Variants in SYN3 observed in about 807,000 individuals in gnomAD.
The protein encoded by SYN3 is synapsin III.
SYN3 carries 35 observed loss-of-function variants against 65.8 expected under a neutral mutation model. The ratio of observed to expected loss-of-function variants is 0.53; its 90% CI spans 0.41 to 0.70. The LOEUF (loss-of-function observed/expected upper bound fraction) is 0.70, where lower values mean the gene tolerates loss of function less well. Ranked by LOEUF, SYN3 falls within the 30% of genes least tolerant of loss-of-function variation. SYN3 has a pLI of 0.00. For synonymous variants in SYN3, 270 were observed against 292.9 expected, an observed-to-expected ratio of 0.92 and a Z score of 0.80; for missense variants, 680 against 749.0, an observed-to-expected ratio of 0.91 and a Z score of 1.08.
intron 3 of SYN3, among the ~76,000 whole-genome samples, chr22:32,961,294 C>T (rs1364195905): frequency 6.6e-6 from 1 of 152,092 alleles, no homozygotes; most frequent in Admixed American, 6.5e-5. Context: ...ACAGGTTAGG[C>T]TAAGCGTATC....
intron 6 of SYN3, among the ~76,000 whole-genome samples, chr22:32,830,022 C>T (rs929736250): frequency 5.9e-5 from 9 of 152,212 alleles, no homozygotes; most frequent in Non-Finnish European, 8.8e-5. Context: ...CTCGCTTCAA[C>T]CTGACCTGAA....
chr22:32,784,275 C>T (rs1264252948), intron 6 of SYN3, among the ~76,000 whole-genome samples: 1 of 152,200 alleles, frequency 6.6e-6, no homozygotes, highest in Non-Finnish European at 1.5e-5. Context: ...GGTGACAGGG[C>T]ATATGCGATT....
At chr22:32,545,921 C>A (rs2058330340) in intron 7 of SYN3, among the ~76,000 whole-genome samples, 1 of 151,906 alleles carries the variant, frequency 6.6e-6, no homozygotes, top group South Asian at 2.1e-4. Context: ...ATTTTATTTT[C>A]TATTTCTATT....
chr22:32,625,057 GTTGGTTTA>G (rs997164574), intron 6 of SYN3, among the ~76,000 whole-genome samples: 6 of 152,156 alleles, frequency 3.9e-5, no homozygotes, highest in African/African-American at 1.4e-4. Context: ...TATGCCCAGG[GTTGGTTTA>G]TTGGCATACC....
rs371707567 is a variant in SYN3, at chr22:32,887,317, G to A, written c.462-18192C>T. ...CACTTGAGCCCAAGAGTTTGAGGCT[G>A]CTGCAAGCTATGATCACTCCACTGC... On this transcript the variant is annotated intron_variant, in intron 4 of 13. Coordinates refer to ENST00000358763, the MANE Select transcript of SYN3 (RefSeq NM_003490.4). Among the ~76,000 whole-genome samples, 35 of 152,150 alleles carry A rather than the reference G, an allele frequency of 2.3e-4. No individual in the cohort carries two copies. The East Asian group carries it at 5.8e-3, about 25-fold the overall frequency.
intron 4 of SYN3, among the ~76,000 whole-genome samples, chr22:32,905,192 G>T (rs2049868348): frequency 6.6e-6 from 1 of 152,202 alleles, no homozygotes; most frequent in Non-Finnish European, 1.5e-5. Flanking sequence ...AATGAAGGAG[G>T]ATACAAATAA....
At chr22:32,532,292 G>A (rs1199170820) in intron 10 of SYN3, among the ~76,000 whole-genome samples, 2 of 152,304 alleles carry the variant, frequency 1.3e-5, no homozygotes, top group Non-Finnish European at 2.9e-5. Context: ...ACCTGGTGGG[G>A]TCTCAGGAGC....
At chr22:32,952,612 C>T (rs573149355) in intron 3 of SYN3, among the ~76,000 whole-genome samples, 1 of 152,048 alleles carries the variant, frequency 6.6e-6, no homozygotes, top group Non-Finnish European at 1.5e-5. Flanking sequence ...AAAAATCAGC[C>T]AGGTGTGGTG....
intron 6 of SYN3, among the ~76,000 whole-genome samples, chr22:32,735,531 G>T (rs536079585): frequency 6.6e-6 from 1 of 152,040 alleles, no homozygotes; most frequent in Admixed American, 6.5e-5. Flanking sequence ...TTTTTTGTTT[G>T]TTTGTTTGTT....
chr22:32,549,828 G>A (rs2058385490), intron 7 of SYN3, among the ~76,000 whole-genome samples: 1 of 151,686 alleles, frequency 6.6e-6, no homozygotes, highest in Non-Finnish European at 1.5e-5. Flanking sequence ...GGTGGAGGTT[G>A]CAGTGAGCTG....
Position 32,513,599 on chromosome 22 carries a change from C to T in SYN3, c.*93G>A. The T allele has an allele frequency of 1.3e-6, 2 of 1,506,756 alleles. No homozygotes were observed. Among genetic ancestry groups the T allele is most frequent in the Non-Finnish European group, 1.8e-6 (2 of 1,106,738 alleles). 93.3% of individuals were successfully genotyped at this position (1,506,756 alleles called of 1,614,324 possible). On this transcript the variant is annotated 3_prime_UTR_variant, in exon 14 of 14. Transcript: ENST00000358763. ...AAAGTATGTTCTCAGGCCCTCCATT[C>T]TGTTCCCATCAGGAACCAAGGCTGA...
chr22:32,731,110 C>A (rs764716030), intron 6 of SYN3, among the ~76,000 whole-genome samples: 18 of 152,176 alleles, frequency 1.2e-4, no homozygotes, highest in Non-Finnish European at 1.9e-4. Context: ...CTGCCTCATC[C>A]ACCCAGGCAT....
intron 6 of SYN3, among the ~76,000 whole-genome samples, chr22:32,846,751 A>G (rs966995668): frequency 6.6e-6 from 1 of 152,244 alleles, no homozygotes; most frequent in Non-Finnish European, 1.5e-5. Flanking sequence ...TGTTAGCCAC[A>G]TGAGAGGCAC....
chr22:32,653,659 G>T (rs1181085745), intron 6 of SYN3, among the ~76,000 whole-genome samples: 1 of 152,150 alleles, frequency 6.6e-6, no homozygotes, highest in Non-Finnish European at 1.5e-5. Context: ...AAAGTTGGGG[G>T]TCAGGAGGTA....
At chr22:32,986,266 G>A (rs2052524772) in intron 2 of SYN3, among the ~76,000 whole-genome samples, 1 of 152,130 alleles carries the variant, frequency 6.6e-6, no homozygotes, top group African/African-American at 2.4e-5. Context: ...GCGATGTGGG[G>A]GTGTGTACGA....
intron 6 of SYN3, among the ~76,000 whole-genome samples, chr22:32,693,068 C>CTT (rs1049262910): frequency 1.8e-4 from 27 of 151,774 alleles, no homozygotes; most frequent in East Asian, 5.8e-4. Flanking sequence ...TCAGATAGTA[C>CTT]TGAACCCTAT....
intron 6 of SYN3, among the ~76,000 whole-genome samples, chr22:32,604,699 A>G (rs2059342609): frequency 6.6e-6 from 1 of 152,184 alleles, no homozygotes; most frequent in East Asian, 1.9e-4. Context: ...CTAGCTCTAG[A>G]CACCATTTAG....
intron 6 of SYN3, chr22:32,859,559 C>A: frequency 1.4e-6 from 1 of 739,406 alleles, no homozygotes; most frequent in South Asian, 2.0e-5. Context: ...CTCCTGGCCC[C>A]ACCCTGCCCC....
chr22:32,764,245 G>T (rs2045565263), intron 6 of SYN3, among the ~76,000 whole-genome samples: 2 of 152,112 alleles, frequency 1.3e-5, no homozygotes, highest in Admixed American at 6.5e-5. Context: ...GCCTGGCGAA[G>T]ACCCCATTTT....
Sources: allele counts gnomAD v4.1 joint callset (sites outside exome capture counted in the v4.1 genomes callset), GRCh38; gene constraint gnomAD v4.1.1; transcripts MANE v1.5; gene names NCBI Gene and HGNC (gene_info 2026-07-23, HGNC 2026-07-21).